Variants in SUPT3H observed in about 807,000 individuals in gnomAD.
The protein encoded by SUPT3H is transcription initiation protein SPT3 homolog.
In SUPT3H, 44 loss-of-function variants were observed where a neutral mutation model predicts 44.3. The ratio of observed to expected loss-of-function variants is 0.99; its 90% CI spans 0.78 to 1.28. SUPT3H has a LOEUF of 1.28. SUPT3H is among the 50% of genes most tolerant of loss of function. The pLI is 0.00. For synonymous variants in SUPT3H, 124 were observed against 125.6 expected (o/e 0.99, Z 0.09); for missense variants, 380 against 387.1 (o/e 0.98, Z 0.15).
At chr6:45,062,376 A>C (rs1792253626) in intron 3 of SUPT3H, among the ~76,000 whole-genome samples, 1 of 151,944 alleles carries the variant, frequency 6.6e-6, no homozygotes, top group Non-Finnish European at 1.5e-5. Context: ...CTGAGACACT[A>C]ACAAATATTA....
At chr6:44,956,458 G>C (rs1025734172) in intron 7 of SUPT3H, among the ~76,000 whole-genome samples, 10 of 116,742 alleles carry the variant, frequency 8.6e-5, no homozygotes, top group Non-Finnish European at 1.6e-4. Flanking sequence ...CACAACAAGA[G>C]CGAAACTGTC....
At chr6:44,921,262 C>T (rs775611784) in intron 10 of SUPT3H, among the ~76,000 whole-genome samples, 22 of 152,168 alleles carry the variant, frequency 1.4e-4, no homozygotes, top group Non-Finnish European at 2.8e-4. Flanking sequence ...GATTCTTGTC[C>T]ATACTCAAAA....
intron 2 of SUPT3H, among the ~76,000 whole-genome samples, chr6:45,323,620 T>C (rs1003486784): frequency 1.3e-5 from 2 of 152,084 alleles, no homozygotes; most frequent in Non-Finnish European, 2.9e-5. Flanking sequence ...ATGACTATAC[T>C]AAAAGTTTAG....
At chr6:44,882,317 C>T (rs1017401242) in intron 10 of SUPT3H, among the ~76,000 whole-genome samples, 27 of 152,234 alleles carry the variant, frequency 1.8e-4, no homozygotes, top group African/African-American at 6.0e-4. Flanking sequence ...CACATACACC[C>T]TCCCAAGACT....
At chr6:45,288,860 T>C (rs568527590) in intron 2 of SUPT3H, among the ~76,000 whole-genome samples, 31 of 152,078 alleles carry the variant, frequency 2.0e-4, no homozygotes, top group African/African-American at 4.1e-4. Context: ...CCTCTGTCCA[T>C]TGATCCATCT....
chr6:45,295,765 T>C (rs963624358), intron 2 of SUPT3H, among the ~76,000 whole-genome samples: 2 of 151,744 alleles, frequency 1.3e-5, no homozygotes, highest in African/African-American at 4.8e-5. Flanking sequence ...ATGCTCAACA[T>C]CACTAATGAT....
chr6:45,029,339 A>ATG (rs1032544752), intron 3 of SUPT3H, among the ~76,000 whole-genome samples: 46 of 104,732 alleles, frequency 4.4e-4, no homozygotes, highest in Admixed American at 2.9e-3. Context: ...ACATATTTGT[A>ATG]TGTGTATATA....
chr6:45,323,968 G>T (rs1270320051), intron 2 of SUPT3H, among the ~76,000 whole-genome samples: 1 of 151,958 alleles, frequency 6.6e-6, no homozygotes, highest in African/African-American at 2.4e-5. Context: ...CTTTGGTTTT[G>T]TCAGTAGCAT....
intron 2 of SUPT3H, among the ~76,000 whole-genome samples, chr6:45,305,881 G>A (rs1301527447): frequency 6.6e-6 from 1 of 152,142 alleles, no homozygotes; most frequent in Non-Finnish European, 1.5e-5. Context: ...TATTCCCTGG[G>A]CTAAAAGCCA....
At chr6:44,809,329 A>G (rs970091174) in exon 12 of SUPT3H, 1 of 152,262 alleles carries the variant, frequency 6.6e-6, no homozygotes, top group African/African-American at 2.4e-5. Flanking sequence ...ATTCAGAGAC[A>G]GTGCTTCCGT....
intron 4 of SUPT3H, among the ~76,000 whole-genome samples, chr6:45,018,116 T>C: frequency 6.6e-6 from 1 of 151,758 alleles, no homozygotes; most frequent in Non-Finnish European, 1.5e-5. Flanking sequence ...CAATTGTGAA[T>C]GGGAGTTCAC....
At chr6:44,889,735 T>A (rs896520075) in intron 10 of SUPT3H, among the ~76,000 whole-genome samples, 7 of 152,040 alleles carry the variant, frequency 4.6e-5, no homozygotes, top group Non-Finnish European at 1.0e-4. Flanking sequence ...CCAAAAGCAA[T>A]GGCAACCAAA....
Position 45,207,038 on chromosome 6 carries a change from T to C in SUPT3H, c.102-101032A>G, listed in dbSNP as rs1457539538. ...CCACAGGACTGGATGAGATCAACTA[T>C]AGGTTAAGTTTAGATAGAGAAGATA... is the stretch of plus-strand genomic sequence containing the variant. On this transcript the variant is annotated intron_variant, in intron 2 of 10. Coordinates refer to ENST00000371459, the MANE Select transcript of SUPT3H (RefSeq NM_003599.4). 6.6e-5 allele frequency among the ~76,000 whole-genome samples: 10 copies of C among 152,150 alleles called. No homozygotes were observed. The South Asian group carries it at 1.7e-3, about 25-fold the overall frequency.
At chr6:45,036,902 G>A (rs779154980) in intron 3 of SUPT3H, among the ~76,000 whole-genome samples, 4 of 152,110 alleles carry the variant, frequency 2.6e-5, no homozygotes, top group Non-Finnish European at 5.9e-5. Flanking sequence ...AGATGTAAGG[G>A]TAGATCCCAG....
At chr6:44,985,629 C>T (rs997350889) in intron 6 of SUPT3H, among the ~76,000 whole-genome samples, 4 of 152,118 alleles carry the variant, frequency 2.6e-5, no homozygotes, top group African/African-American at 9.7e-5. Flanking sequence ...ATTTTGTCCT[C>T]TTTCTACAAG....
chr6:45,367,545 C>T (rs575796077), intron 1 of SUPT3H, among the ~76,000 whole-genome samples: 1 of 151,794 alleles, frequency 6.6e-6, no homozygotes, highest in South Asian at 2.1e-4. Context: ...GGACAAAATG[C>T]GAAAAAAAGG....
At chr6:45,347,911 G>A (rs1408157710) in intron 2 of SUPT3H, among the ~76,000 whole-genome samples, 1 of 152,006 alleles carries the variant, frequency 6.6e-6, no homozygotes, top group Non-Finnish European at 1.5e-5. Flanking sequence ...GGTTACCTGT[G>A]AATGAAAAAA....
Position 45,296,738 on chromosome 6 carries a change from C to CAAAAAAAAAAAAAAAAAAAAAA in SUPT3H, c.101+68441_101+68462dup, listed in dbSNP as rs60921436. On this transcript the variant is annotated intron_variant, in intron 2 of 10. Coordinates refer to ENST00000371459, the MANE Select transcript of SUPT3H (RefSeq NM_003599.4). ...TGGCCAACAGAGTAAGACTCTGTCT[C>CAAAAAAAAAAAAAAAAAAAAAA]AAAAAAAAAAAAAAAAAAAAAAAAA... Among the ~76,000 whole-genome samples, 2 of 29,710 alleles carry CAAAAAAAAAAAAAAAAAAAAAA rather than the reference C, an allele frequency of 6.7e-5. 1 individual carries two copies. Among genetic ancestry groups the CAAAAAAAAAAAAAAAAAAAAAA allele is most frequent in the Non-Finnish European group, 1.3e-4 (2 of 14,836 alleles). The allele number at this position is 29,710 out of a possible 152,430, so 19.5% of individuals were successfully genotyped here.
chr6:44,847,790 T>C (rs562564667), intron 10 of SUPT3H, among the ~76,000 whole-genome samples: 1 of 151,986 alleles, frequency 6.6e-6, no homozygotes, highest in East Asian at 2.0e-4. Context: ...ACCCAGCCTA[T>C]GGGAAGATTT....
Sources: gnomAD v4.1 joint callset for allele counts (sites outside exome capture counted in the v4.1 genomes callset) on GRCh38, gnomAD v4.1.1 for gene constraint, MANE v1.5 for transcripts, NCBI Gene and HGNC (gene_info 2026-07-23, HGNC 2026-07-21) for gene names.